Variants in ANKS1B observed in about 807,000 individuals in gnomAD.
ANKS1B encodes ankyrin repeat and sterile alpha motif domain containing 1B.
A neutral mutation model predicts 148.3 loss-of-function variants in ANKS1B; 36 were observed. The observed-to-expected ratio is 0.24, with a 90% confidence interval of 0.19 to 0.32. The LOEUF is 0.32. Ranked by LOEUF, ANKS1B falls within the 10% of genes least tolerant of loss-of-function variation. The pLI is 1.00. For synonymous variants in ANKS1B, 542 were observed against 560.8 expected, an observed-to-expected ratio of 0.97 and a Z score of 0.47; for missense variants, 1,157 against 1,542.6, an observed-to-expected ratio of 0.75 and a Z score of 4.19.
chr12:99,427,562 A>C (rs369079560), intron 11 of ANKS1B, among the ~76,000 whole-genome samples: 1 of 152,236 alleles, frequency 6.6e-6, no homozygotes. Context: ...TGTGTAGTTA[A>C]TTTACAGCCC....
At chr12:99,903,796 C>T (rs1290501036) in intron 1 of ANKS1B, among the ~76,000 whole-genome samples, 1 of 151,956 alleles carries the variant, frequency 6.6e-6, no homozygotes, top group African/African-American at 2.4e-5. Context: ...GTGTATACTG[C>T]TCGGGCGATG....
chr12:99,943,540 AAAG>A (rs532723444), intron 1 of ANKS1B, among the ~76,000 whole-genome samples: 167 of 152,294 alleles, frequency 1.1e-3, no homozygotes, highest in Non-Finnish European at 4.0e-4. Flanking sequence ...GGCAGAAGGC[AAAG>A]GAGGAGCAAA....
chr12:98,745,605 C>T lies in ANKS1B; in HGVS notation c.*134G>A, dbSNP rs1193853881. 2 of 1,431,628 alleles carry T rather than the reference C, an allele frequency of 1.4e-6. No individual in the cohort carries two copies. The highest frequency in any genetic ancestry group is 1.5e-5 in the African/African-American group (1 of 67,802). The allele number at this position is 1,431,628 out of a possible 1,614,324, so 88.7% of individuals were successfully genotyped here. Reference sequence around the variant, plus strand: ...AACTTCCCCAGGAATGGCCAGTGGCCTTTCGCCCGTAACAAGGCCGCACGC... The same window carrying T: ...AACTTCCCCAGGAATGGCCAGTGGCTTTTCGCCCGTAACAAGGCCGCACGC... On this transcript the variant is annotated 3_prime_UTR_variant, in exon 27 of 27. Transcript: ENST00000683438.
rs1376342425 is a variant in ANKS1B at position 99,441,179 on chromosome 12, T to A, written c.1575+2494A>T. On this transcript the variant is annotated intron_variant, in intron 11 of 26. Transcript: ENST00000683438. ...GAGAGAAAACCAGAATTAACAAATA[T>A]GTTAGAGTATTAAACCTGTGATTAA... Among the ~76,000 whole-genome samples the A allele has an allele frequency of 2.6e-5, 4 of 151,996 alleles. No individual in the cohort carries two copies. In the South Asian group the frequency reaches 8.3e-4, roughly 32 times the overall value.
At chr12:99,742,277 T>C (rs996770097) in intron 8 of ANKS1B, among the ~76,000 whole-genome samples, 1 of 149,020 alleles carries the variant, frequency 6.7e-6, no homozygotes, top group Non-Finnish European at 1.5e-5. Flanking sequence ...GTGGAGGCAA[T>C]TGCAAAGACA....
chr12:99,580,636 T>C lies in ANKS1B; in HGVS notation c.1272+74431A>G, dbSNP rs533680541. On this transcript the variant is annotated intron_variant, in intron 9 of 26. Transcript: ENST00000683438. Reference sequence around the variant, plus strand: ...TGGTGAAGAGAAATTGGTTAATGGGTAAAAAAATATGGTTAGACCTAAGGA... The same window carrying C: ...TGGTGAAGAGAAATTGGTTAATGGGCAAAAAAATATGGTTAGACCTAAGGA... Among the ~76,000 whole-genome samples, 3 of 152,160 alleles carry C rather than the reference T, an allele frequency of 2.0e-5. No homozygotes were observed. In the South Asian group the frequency reaches 6.2e-4, roughly 32 times the overall value.
At chr12:98,895,040 G>A (rs2099761907) in intron 17 of ANKS1B, 19 of 900,280 alleles carry the variant, frequency 2.1e-5, no homozygotes, top group Non-Finnish European at 2.0e-5. Flanking sequence ...CTCCAGGGCT[G>A]CTGGCTGCGC....
chr12:99,286,272 C>T (rs1190870803), intron 12 of ANKS1B, among the ~76,000 whole-genome samples: 1 of 151,736 alleles, frequency 6.6e-6, no homozygotes, highest in Non-Finnish European at 1.5e-5. Context: ...GGTCCTGGTT[C>T]CTGGACAAAA....
At chr12:99,758,261 A>C (rs921962798) in intron 8 of ANKS1B, among the ~76,000 whole-genome samples, 16 of 152,014 alleles carry the variant, frequency 1.1e-4, no homozygotes, top group African/African-American at 3.9e-4. Flanking sequence ...TGTGTGTCCA[A>C]CACACTGCTA....
intron 12 of ANKS1B, among the ~76,000 whole-genome samples, chr12:99,324,462 T>C (rs2085922701): frequency 6.6e-6 from 1 of 152,112 alleles, no homozygotes; most frequent in Admixed American, 6.6e-5. Context: ...CCCTCTGATT[T>C]TGCTTTTCTC....
At chr12:98,794,522 T>A (rs1210994128) in intron 22 of ANKS1B, 1 of 525,396 alleles carries the variant, frequency 1.9e-6, no homozygotes, top group Non-Finnish European at 3.6e-6. Flanking sequence ...CTGGGGCCCA[T>A]CCACCCTGGC....
At chr12:99,190,452 G>A (rs1357163843) in intron 14 of ANKS1B, among the ~76,000 whole-genome samples, 1 of 152,016 alleles carries the variant, frequency 6.6e-6, no homozygotes, top group Non-Finnish European at 1.5e-5. Flanking sequence ...ATACTACAAG[G>A]CTATAGTAAC....
chr12:98,790,754 C>T (rs7300980), intron 22 of ANKS1B, among the ~76,000 whole-genome samples: 39,456 of 152,100 alleles, frequency 0.26, 5,512 homozygotes, highest in Middle Eastern at 0.34. Flanking sequence ...AGGCTACTTG[C>T]TATGATGGCA....
chr12:99,300,085 CTGCCAGCTGATTACTA>C (rs1438060586), intron 12 of ANKS1B, among the ~76,000 whole-genome samples: 3 of 152,176 alleles, frequency 2.0e-5, no homozygotes, highest in Admixed American at 2.0e-4. Flanking sequence ...ACCTATGCCA[CTGCCAGCTGATTACTA>C]TGCTTTAGAA....
chr12:98,773,747 C>T (rs1028552211), intron 24 of ANKS1B, among the ~76,000 whole-genome samples: 2 of 152,184 alleles, frequency 1.3e-5, no homozygotes, highest in African/African-American at 2.4e-5. Context: ...TGAGTCACCG[C>T]GTCCGGCCTC....
At chr12:99,780,618 C>G (rs1334815502) in intron 5 of ANKS1B, among the ~76,000 whole-genome samples, 1 of 152,088 alleles carries the variant, frequency 6.6e-6, no homozygotes, top group African/African-American at 2.4e-5. Context: ...CTATTTAACT[C>G]AACAGCACAC....
chr12:99,358,769 T>C (rs73149198), intron 12 of ANKS1B, among the ~76,000 whole-genome samples: 2 of 151,986 alleles, frequency 1.3e-5, no homozygotes, highest in Non-Finnish European at 2.9e-5. Context: ...ATGCCCTATA[T>C]GTAGTCAGGA....
intron 12 of ANKS1B, among the ~76,000 whole-genome samples, chr12:99,313,779 G>A (rs1047070000): frequency 6.6e-6 from 1 of 152,066 alleles, no homozygotes; most frequent in Non-Finnish European, 1.5e-5. Context: ...AAAATAATAA[G>A]AGCTATTTAT....
chr12:99,759,442 ATG>A, intron 8 of ANKS1B, among the ~76,000 whole-genome samples: 1 of 151,966 alleles, frequency 6.6e-6, no homozygotes, highest in Non-Finnish European at 1.5e-5. Context: ...CTGATAAAAT[ATG>A]TTGAAGCATG....
Sources: allele counts gnomAD v4.1 joint callset (sites outside exome capture counted in the v4.1 genomes callset), GRCh38; gene constraint gnomAD v4.1.1; transcripts MANE v1.5; gene names NCBI Gene and HGNC (gene_info 2026-07-23, HGNC 2026-07-21).